EPHB1: variants seen among roughly 807,000 people sequenced by gnomAD.
The protein encoded by EPHB1 is EPH receptor B1.
A neutral mutation model predicts 94.4 loss-of-function variants in EPHB1; 30 were observed. The observed-to-expected ratio is 0.32, with a 90% confidence interval of 0.24 to 0.43. The LOEUF is 0.43. EPHB1 is among the 20% of genes least tolerant of loss of function. EPHB1 has a pLI of 1.00. For missense variants in EPHB1, 1,055 were observed against 1,308.3 expected (o/e 0.81, Z 2.99); for synonymous variants, 522 against 489.1 (o/e 1.07, Z -0.89).
chr3:134,838,117 C>G (rs1386731317), intron 1 of EPHB1, among the ~76,000 whole-genome samples: 1 of 152,134 alleles, frequency 6.6e-6, no homozygotes, highest in Admixed American at 6.5e-5. Flanking sequence ...CACACTCATG[C>G]CCCATGGATT....
intron 9 of EPHB1, among the ~76,000 whole-genome samples, chr3:135,171,513 T>C (rs1159688801): frequency 6.6e-6 from 1 of 152,190 alleles, no homozygotes; most frequent in Non-Finnish European, 1.5e-5. Flanking sequence ...CCACAGAAGA[T>C]GAATCAAAAT....
chr3:135,035,782 A>G (rs1473158067), intron 3 of EPHB1, among the ~76,000 whole-genome samples: 1 of 152,184 alleles, frequency 6.6e-6, no homozygotes, highest in African/African-American at 2.4e-5. Context: ...ATACCATTCC[A>G]TAGCATATGA....
intron 2 of EPHB1, among the ~76,000 whole-genome samples, chr3:134,937,093 A>G (rs1163938498): frequency 6.6e-6 from 1 of 152,196 alleles, no homozygotes; most frequent in African/African-American, 2.4e-5. Context: ...GGACATTGGA[A>G]AAATTAGAGT....
At chr3:135,070,902 G>A (rs538341247) in intron 3 of EPHB1, among the ~76,000 whole-genome samples, 9 of 152,244 alleles carry the variant, frequency 5.9e-5, no homozygotes, top group Non-Finnish European at 1.0e-4. Context: ...AGGGAGATCA[G>A]ATCATAAGCT....
intron 1 of EPHB1, among the ~76,000 whole-genome samples, chr3:134,923,750 GTTT>G: frequency 6.6e-6 from 1 of 152,100 alleles, no homozygotes; most frequent in South Asian, 2.1e-4. Flanking sequence ...CAAACCTTTG[GTTT>G]ATGACAGGGT....
intron 2 of EPHB1, among the ~76,000 whole-genome samples, chr3:134,947,913 C>G (rs1444770051): frequency 6.6e-6 from 1 of 152,058 alleles, no homozygotes; most frequent in Non-Finnish European, 1.5e-5. Flanking sequence ...ACTTCAGCCT[C>G]CTGAATAGCT....
intron 3 of EPHB1, among the ~76,000 whole-genome samples, chr3:134,963,942 G>C (rs1022054737): frequency 1.3e-5 from 2 of 152,198 alleles, no homozygotes; most frequent in African/African-American, 4.8e-5. Context: ...ACCAGTGAGA[G>C]TGAACTGAAG....
chr3:134,874,042 C>T (rs183212119), intron 1 of EPHB1, among the ~76,000 whole-genome samples: 1 of 152,330 alleles, frequency 6.6e-6, no homozygotes, highest in African/African-American at 2.4e-5. Flanking sequence ...ACTTAAACAT[C>T]AGCAGAGCTG....
chr3:135,040,931 C>T (rs115220034), intron 3 of EPHB1, among the ~76,000 whole-genome samples: 294 of 152,278 alleles, frequency 1.9e-3, no homozygotes, highest in African/African-American at 6.6e-3. Context: ...CCTACCACAT[C>T]GGAATTTTAT....
chr3:135,226,144 G>A (rs141315394), intron 12 of EPHB1, among the ~76,000 whole-genome samples: 1 of 152,340 alleles, frequency 6.6e-6, no homozygotes, highest in East Asian at 1.9e-4. Context: ...TGAGGATTGG[G>A]GACAGCTGTG....
Position 134,949,747 on chromosome 3 carries a change from C to A in EPHB1, c.124-1624C>A, listed in dbSNP as rs373756502. ...TTTCTCTATTTTTTTTAATTCTAGG[C>A]AAACAGAATATAAGTTTAAATTTAT... On this transcript the variant is annotated intron_variant, in intron 2 of 15. Coordinates refer to ENST00000398015, the MANE Select transcript of EPHB1 (RefSeq NM_004441.5). Among the ~76,000 whole-genome samples the A allele has an allele frequency of 2.0e-5, 3 of 151,996 alleles. No homozygotes were observed. The East Asian group carries it at 5.8e-4, about 29-fold the overall frequency.
chr3:134,985,580 T>G (rs1186962529), intron 3 of EPHB1, among the ~76,000 whole-genome samples: 1 of 152,238 alleles, frequency 6.6e-6, no homozygotes, highest in Non-Finnish European at 1.5e-5. Flanking sequence ...TTTCTGTATC[T>G]ACTCTACCAC....
chr3:135,230,960 G>A (rs984829977), intron 12 of EPHB1, among the ~76,000 whole-genome samples: 13 of 151,846 alleles, frequency 8.6e-5, no homozygotes, highest in South Asian at 2.1e-4. Context: ...TTCTTTATTC[G>A]ACCCACCATT....
rs981393426 is a variant in EPHB1 at position 134,891,115 on chromosome 3, A to T, written c.59-34701A>T. ...TGTGACATTTTAATCTTGTTCTTAT[A>T]TTTTTTTTAAGACAGGGTCTTACTG... is the stretch of plus-strand genomic sequence containing the variant. On this transcript the variant is annotated intron_variant, in intron 1 of 15. Coordinates refer to ENST00000398015, the MANE Select transcript of EPHB1 (RefSeq NM_004441.5). 9.2e-5 allele frequency among the ~76,000 whole-genome samples: 14 copies of T among 152,022 alleles called. 1 individual carries two copies. The highest frequency in any genetic ancestry group is 3.1e-4 in the African/African-American group (13 of 41,462).
intron 3 of EPHB1, among the ~76,000 whole-genome samples, chr3:135,041,331 G>C (rs1393030770): frequency 6.6e-6 from 1 of 152,168 alleles, no homozygotes; most frequent in East Asian, 1.9e-4. Context: ...TGGGATGCTG[G>C]GAGGCACAGT....
chr3:135,046,542 T>C (rs764540076), intron 3 of EPHB1, among the ~76,000 whole-genome samples: 1 of 152,252 alleles, frequency 6.6e-6, no homozygotes, highest in Non-Finnish European at 1.5e-5. Flanking sequence ...ACAAGAGACC[T>C]GGTTCCCATT....
At chr3:135,007,506 G>T (rs1010869765) in intron 3 of EPHB1, among the ~76,000 whole-genome samples, 1 of 152,076 alleles carries the variant, frequency 6.6e-6, no homozygotes, top group East Asian at 1.9e-4. Context: ...TTATCTTGTG[G>T]CTTCCATAAC....
intron 2 of EPHB1, among the ~76,000 whole-genome samples, chr3:134,945,091 A>G (rs1188907634): frequency 2.6e-5 from 4 of 152,056 alleles, no homozygotes; most frequent in Admixed American, 2.6e-4. Context: ...CCTTTGCCCA[A>G]TTTTCTATCT....
intron 12 of EPHB1, among the ~76,000 whole-genome samples, chr3:135,209,603 A>G (rs1942984881): frequency 6.6e-6 from 1 of 152,192 alleles, no homozygotes; most frequent in African/African-American, 2.4e-5. Flanking sequence ...GTGAAAGTCA[A>G]GGAGACAGAG....
Sources: gnomAD v4.1 joint callset for allele counts (sites outside exome capture counted in the v4.1 genomes callset) on GRCh38, gnomAD v4.1.1 for gene constraint, MANE v1.5 for transcripts, NCBI Gene and HGNC (gene_info 2026-07-23, HGNC 2026-07-21) for gene names.